Variants in LAMA1 observed in about 807,000 individuals in gnomAD.
LAMA1 encodes the protein laminin subunit alpha-1.
Under a neutral mutation model 348.7 loss-of-function variants are expected in LAMA1, and 219 were observed. The ratio of observed to expected loss-of-function variants is 0.63; its 90% confidence interval spans 0.56 to 0.70. The LOEUF is 0.70. Ranked by LOEUF, LAMA1 falls within the 30% of genes least tolerant of loss-of-function variation. LAMA1 has a pLI of 0.00. For missense variants in LAMA1, 3,744 were observed against 3,888.0 expected (o/e 0.96, Z 0.99); for synonymous variants, 1,487 against 1,491.0 (o/e 1.00, Z 0.06).
intron 23 of LAMA1, among the ~76,000 whole-genome samples, chr18:7,012,974 A>G (rs2057868229): frequency 6.6e-6 from 1 of 151,064 alleles, no homozygotes; most frequent in South Asian, 2.1e-4. Context: ...AGCCTGGCCA[A>G]TATGGTGAAA....
chr18:7,042,079 G>C, intron 9 of LAMA1, 66 bp downstream of exon 9: 1 of 1,059,342 alleles, frequency 9.4e-7, no homozygotes, highest in African/African-American at 1.6e-5. Flanking sequence ...ATTAGTTCCA[G>C]TATGTGCAAA....
At chr18:7,069,991 T>C (rs558124852) in intron 3 of LAMA1, among the ~76,000 whole-genome samples, 3 of 152,204 alleles carry the variant, frequency 2.0e-5, no homozygotes, top group African/African-American at 7.2e-5. Flanking sequence ...ACACAATAGA[T>C]AACCAGCAGA....
chr18:7,024,190 T>C (rs747574401), intron 18 of LAMA1, among the ~76,000 whole-genome samples, 190 bp downstream of exon 18: 56 of 152,170 alleles, frequency 3.7e-4, no homozygotes, highest in Non-Finnish European at 6.9e-4. Flanking sequence ...AGAGTACCGT[T>C]CTTTAAAAAT....
chr18:7,110,785 C>T (rs1049426898), intron 1 of LAMA1, among the ~76,000 whole-genome samples: 1 of 152,060 alleles, frequency 6.6e-6, no homozygotes, highest in East Asian at 1.9e-4. Context: ...TGAGCCACTG[C>T]ACGCCAGCCT....
chr18:7,111,228 T>C (rs1301408614), intron 1 of LAMA1, among the ~76,000 whole-genome samples: 1 of 151,982 alleles, frequency 6.6e-6, no homozygotes, highest in Non-Finnish European at 1.5e-5. Context: ...AAAAAAAAAA[T>C]GTGCACGCAC....
At chr18:6,985,828 G>A (rs1261405462) in intron 37 of LAMA1, among the ~76,000 whole-genome samples, 185 bp from the exon 38 acceptor site, 1 of 152,070 alleles carries the variant, frequency 6.6e-6, no homozygotes, top group Non-Finnish European at 1.5e-5. Flanking sequence ...GCATGATCTC[G>A]GCTCACTACA....
intron 1 of LAMA1, among the ~76,000 whole-genome samples, chr18:7,097,031 CAGA>C (rs2058264141): frequency 6.8e-6 from 1 of 147,430 alleles, no homozygotes; most frequent in African/African-American, 2.6e-5. Flanking sequence ...CAGAGCAGAG[CAGA>C]AGCACATGCC....
chr18:7,048,424 A>T (rs908099672), intron 5 of LAMA1, among the ~76,000 whole-genome samples: 3 of 152,072 alleles, frequency 2.0e-5, no homozygotes, highest in African/African-American at 7.2e-5. Context: ...TTTTATTTTT[A>T]TTTTTTAAAT....
intron 22 of LAMA1, among the ~76,000 whole-genome samples, chr18:7,014,992 G>A (rs546587973): frequency 3.9e-5 from 6 of 152,086 alleles, no homozygotes; most frequent in African/African-American, 9.6e-5. Context: ...GACTACAGGC[G>A]CCCATCACCA....
At position 7,084,074 on chromosome 18, in the gene LAMA1, G is replaced by GAAAAAAAAAAAAAAAAAAAAAAAAA. The variant is rs35419107; in HGVS notation, c.62-3642_62-3618dup. On this transcript the variant is annotated intron_variant, in intron 1 of 62. Coordinates refer to ENST00000389658, the MANE Select transcript of LAMA1 (RefSeq NM_005559.4). The stretch of plus-strand genomic sequence containing the variant: ...GGCAACAGAGTGAGATTCTGTCTCA[G>GAAAAAAAAAAAAAAAAAAAAAAAAA]AAAAAAAAAAAAAAAAAAAAAAAAA... Among the ~76,000 whole-genome samples, 3 of 49,708 alleles carry GAAAAAAAAAAAAAAAAAAAAAAAAA rather than the reference G, an allele frequency of 6.0e-5. 1 individual carries two copies. The highest frequency in any genetic ancestry group is 1.3e-4 in the African/African-American group (2 of 15,224). The allele number at this position is 49,708 out of a possible 152,430, so 32.6% of individuals were successfully genotyped here.
chr18:7,062,141 G>A (rs773630888), intron 3 of LAMA1, among the ~76,000 whole-genome samples: 7 of 152,186 alleles, frequency 4.6e-5, no homozygotes, highest in Non-Finnish European at 1.0e-4. Context: ...GTGGATGGAA[G>A]GTCTATGTGA....
In LAMA1 at chr18:6,962,061, T is replaced by G; in HGVS notation, c.7338-2A>C. 6.2e-7 allele frequency: 1 copy of G among 1,603,734 alleles called. No homozygotes were observed. On this transcript the variant is annotated splice_acceptor_variant, in intron 51 of 62. Coordinates refer to ENST00000389658, the MANE Select transcript of LAMA1 (RefSeq NM_005559.4). LOFTEE classifies it high-confidence loss of function. ...AAGCTTTTGGTGGTGACACCTCTCC[T>G]GTAGGGAAGGGCATGAGAACAATCA...
chr18:6,993,903 G>A (rs1441924419), intron 34 of LAMA1, 151 bp from the exon 35 acceptor site: 8 of 695,060 alleles, frequency 1.2e-5, no homozygotes, highest in Non-Finnish European at 5.3e-6. Flanking sequence ...TATCATGCAA[G>A]CCGAGCTTAA....
chr18:6,978,484 T>C, intron 42 of LAMA1, 106 bp from the exon 43 acceptor site: 8 of 1,088,846 alleles, frequency 7.3e-6, no homozygotes, highest in South Asian at 3.9e-5. Context: ...TATTGTCATA[T>C]TACTGATGCT....
chr18:7,067,957 G>A lies in LAMA1; in HGVS notation c.345+12018C>T, dbSNP rs144477462. 0.018 allele frequency among the ~76,000 whole-genome samples: 2,788 copies of A among 151,998 alleles called. 134 individuals carry two copies. In the East Asian group the frequency reaches 0.21, roughly 12 times the overall value. On this transcript the variant is annotated intron_variant, in intron 3 of 62. Coordinates refer to ENST00000389658, the MANE Select transcript of LAMA1 (RefSeq NM_005559.4). ...CAAACTCTGCCCCCTGGGTTCAAGC[G>A]ATTCTCCTGGCTCAGCCTCCTGAGT...
rs768048528 is a variant in LAMA1 at position 6,978,285 on chromosome 18, T to C, written c.6101A>G (p.Gln2034Arg). The C allele has an allele frequency of 6.2e-7, 1 of 1,614,252 alleles. No homozygotes were observed. Among genetic ancestry groups the C allele is most frequent in the East Asian group, 2.2e-5 (1 of 44,888 alleles). ...GCTGGCAGATGTGTTCAGCAGCTCC[T>C]GGCTCAGCCCCGCCACGTCCCTCAG... The part of the protein sequence containing the change: ...STLRDVAGLS[Q>R]ELLNTSASLS... Residue 2034 changes from glutamine (Q) to arginine (R), a missense_variant, in exon 43 of 63, where the codon CAG becomes CGG. Physicochemically the swap from Gln to Arg is conservative, Grantham distance 43. Around this residue, in one of 3 missense-constraint regions of LAMA1, gnomAD observed 1,983 missense variants for 1,934.3 expected, o/e 1.03. Transcript: ENST00000389658.
chr18:7,084,074 GAAAAA>G (rs35419107), intron 1 of LAMA1, among the ~76,000 whole-genome samples: 1 of 49,706 alleles, frequency 2.0e-5, no homozygotes, highest in Non-Finnish European at 3.8e-5. Context: ...TTCTGTCTCA[GAAAAA>G]AAAAAAAAAA....
Position 7,117,669 on chromosome 18 carries a change from G to C in LAMA1, c.52C>G (p.Arg18Gly), listed in dbSNP as rs1337165671. 4 of 1,598,316 alleles carry C rather than the reference G, an allele frequency of 2.5e-6. No homozygotes were observed. Among genetic ancestry groups the C allele is most frequent in the Non-Finnish European group, 1.7e-6 (2 of 1,178,614 alleles). Reference protein sequence around the residue: ...VLLLCVAAQCRQRGLFPAILN... With the variant: ...VLLLCVAAQCGQRGLFPAILN... ...CCCGGGCCGGGCTCACCTCTCTGCC[G>C]GCACTGCGCGGCGACACACAGCAGC... is the stretch of plus-strand genomic sequence containing the variant. Residue 18 changes from arginine (R) to glycine (G), a missense_variant, in exon 1 of 63, where the codon CGG (arginine) becomes GGG (glycine). By Grantham distance (125) the Arg-to-Gly change is moderately radical. This residue lies in a region of LAMA1 where 1,529 missense variants were observed against 1,689.4 expected (regional missense o/e 0.91). Transcript: ENST00000389658.
chr18:7,031,382 T>C (rs1277432983), intron 16 of LAMA1, among the ~76,000 whole-genome samples: 2 of 152,202 alleles, frequency 1.3e-5, no homozygotes, highest in Non-Finnish European at 2.9e-5. Context: ...CAAGATTAAC[T>C]ACCTATTTCT....
Sources: gnomAD v4.1 joint callset for allele counts (sites outside exome capture counted in the v4.1 genomes callset) on GRCh38, gnomAD v4.1.1 for gene constraint, gnomAD v4.1.1 regional missense constraint, MANE v1.5 for transcripts, NCBI Gene and HGNC (gene_info 2026-07-23, HGNC 2026-07-21) for gene names.